The following ANO10 variants were observed in gnomAD, a reference collection of about 807,000 sequenced individuals.
ANO10 encodes anoctamin 10, also known as anoctamin-10.
In ANO10, 77 loss-of-function variants were observed where a neutral mutation model predicts 74.7. The observed-to-expected ratio is 1.03, with a 90% CI of 0.86 to 1.25. The LOEUF (loss-of-function observed/expected upper bound fraction) is 1.25, where lower values mean the gene tolerates loss of function less well. Ranked by LOEUF, ANO10 falls within the 50% of genes most tolerant of loss-of-function variation. The pLI is 0.00. For synonymous variants in ANO10, 279 were observed against 284.9 expected (o/e 0.98, Z 0.21); for missense variants, 721 against 778.1 (o/e 0.93, Z 0.87).
intron 11 of ANO10, 92 bp downstream of exon 11, chr3:43,549,628 T>C (rs1488807829): frequency 4.9e-6 from 7 of 1,422,484 alleles, no homozygotes; most frequent in East Asian, 2.3e-5. Flanking sequence ...TATTGCTCAA[T>C]TGTCAGTCAT....
intron 12 of ANO10, among the ~76,000 whole-genome samples, chr3:43,410,111 T>A (rs937122541): frequency 6.6e-6 from 1 of 151,974 alleles, no homozygotes; most frequent in Admixed American, 6.6e-5. Flanking sequence ...AGATTACCTT[T>A]TTCTTCCCTT....
At chr3:43,584,800 G>A (rs1236867770) in intron 4 of ANO10, among the ~76,000 whole-genome samples, 1 of 152,132 alleles carries the variant, frequency 6.6e-6, no homozygotes, top group East Asian at 1.9e-4. Context: ...ATTACAGCAA[G>A]CAGCAAGCAA....
chr3:43,535,750 G>A (rs2078684940), intron 11 of ANO10, among the ~76,000 whole-genome samples: 1 of 152,096 alleles, frequency 6.6e-6, no homozygotes, highest in Non-Finnish European at 1.5e-5. Context: ...AGACAACCAG[G>A]AGAAAAATCC....
intron 12 of ANO10, among the ~76,000 whole-genome samples, chr3:43,424,018 A>G (rs2092860436): frequency 6.6e-6 from 1 of 150,718 alleles, no homozygotes; most frequent in African/African-American, 2.5e-5. Context: ...CAGCGAATGC[A>G]TGAGTTGGTC....
rs1476071450 is a variant in ANO10 at position 43,561,371 on chromosome 3, A to G, written c.1325T>C (p.Ile442Thr). Residue 442 changes from isoleucine (I) to threonine (T), a missense_variant, in exon 9 of 13, where the codon ATC (isoleucine) becomes ACC (threonine). Ile to Thr is a moderately conservative substitution (Grantham distance 89). Transcript: ENST00000292246. ...AAAAGATTCCATAATTTGGTTGAGG[A>G]TCTGGGAGGTAATTAGGAGAGTGGC... Reference protein sequence around the residue: ...SLATLLITSQILNQIMESFLP... With the variant: ...SLATLLITSQTLNQIMESFLP... 6.2e-7 allele frequency: 1 copy of G among 1,614,180 alleles called. No individual in the cohort carries two copies. The highest frequency in any genetic ancestry group is 8.5e-7 in the Non-Finnish European group (1 of 1,180,024).
intron 2 of ANO10, 127 bp from the exon 3 acceptor site, chr3:43,600,708 C>A: frequency 1.2e-6 from 1 of 817,182 alleles, no homozygotes; most frequent in Non-Finnish European, 1.9e-6. Context: ...AATTTAAATC[C>A]ATCTTCCAAG....
At chr3:43,572,705 G>T (rs2080796502) in intron 7 of ANO10, among the ~76,000 whole-genome samples, 2 of 152,172 alleles carry the variant, frequency 1.3e-5, no homozygotes, top group African/African-American at 4.8e-5. Flanking sequence ...TGCACCAATG[G>T]GTTTCCTTTC....
At chr3:43,673,418 C>T (rs952708457) in intron 1 of ANO10, among the ~76,000 whole-genome samples, 1 of 152,110 alleles carries the variant, frequency 6.6e-6, no homozygotes, top group South Asian at 2.1e-4. Context: ...TGGGTATGAA[C>T]TTTTTTTCTG....
chr3:43,519,922 TA>T (rs987895061), intron 11 of ANO10, among the ~76,000 whole-genome samples: 1 of 152,170 alleles, frequency 6.6e-6, no homozygotes, highest in African/African-American at 2.4e-5. Flanking sequence ...GGAGAGCTAA[TA>T]CAGGACAGAA....
intron 12 of ANO10, among the ~76,000 whole-genome samples, chr3:43,416,392 C>T (rs571184871): frequency 6.6e-6 from 1 of 152,142 alleles, no homozygotes; most frequent in African/African-American, 2.4e-5. Flanking sequence ...CAGATAGTAA[C>T]TGCCTTGTAG....
At chr3:43,372,618 TC>T (rs2091654379) in intron 12 of ANO10, 4 of 493,050 alleles carry the variant, frequency 8.1e-6, no homozygotes, top group Non-Finnish European at 1.5e-5. Context: ...TATTTCCTCC[TC>T]CCCCGTCACC....
intron 12 of ANO10, among the ~76,000 whole-genome samples, chr3:43,390,117 C>T (rs751264081): frequency 3.1e-4 from 47 of 152,208 alleles, no homozygotes; most frequent in Non-Finnish European, 1.0e-4. Context: ...GGGTCTCACA[C>T]GAACCCCACC....
intron 12 of ANO10, among the ~76,000 whole-genome samples, chr3:43,384,064 G>A (rs1453402274): frequency 1.3e-5 from 2 of 151,998 alleles, no homozygotes; most frequent in African/African-American, 4.8e-5. Context: ...ACATGAATTC[G>A]GCAAAGTTTC....
intron 1 of ANO10, among the ~76,000 whole-genome samples, chr3:43,611,818 TATG>T (rs1346220018): frequency 6.6e-6 from 1 of 152,074 alleles, no homozygotes; most frequent in African/African-American, 2.4e-5. Context: ...CAAGAACAAA[TATG>T]ATAAGGCTGA....
At chr3:43,496,688 A>G (rs1376532164) in intron 11 of ANO10, among the ~76,000 whole-genome samples, 1 of 151,614 alleles carries the variant, frequency 6.6e-6, no homozygotes, top group Non-Finnish European at 1.5e-5. Flanking sequence ...TCTATTCTTT[A>G]TTTACTTTTT....
intron 11 of ANO10, among the ~76,000 whole-genome samples, chr3:43,469,841 CTCTT>C (rs1224700375): frequency 6.6e-6 from 1 of 152,154 alleles, no homozygotes; most frequent in Non-Finnish European, 1.5e-5. Context: ...TATAATCCAG[CTCTT>C]TCTTAGATAG....
intron 12 of ANO10, among the ~76,000 whole-genome samples, chr3:43,383,453 CAAAAAAAAAAA>C: frequency 2.0e-5 from 1 of 50,874 alleles, no homozygotes; most frequent in African/African-American, 7.1e-5. Context: ...GACTCTGTCT[CAAAAAAAAAAA>C]AAAAAAAAAA....
At chr3:43,533,158 T>C (rs1474671311) in intron 11 of ANO10, among the ~76,000 whole-genome samples, 2 of 152,128 alleles carry the variant, frequency 1.3e-5, no homozygotes, top group East Asian at 3.8e-4. Context: ...AAGCATGTTG[T>C]CAAGTGAAAC....
intron 11 of ANO10, among the ~76,000 whole-genome samples, chr3:43,524,320 T>C (rs2078095752): frequency 1.3e-5 from 2 of 152,288 alleles, no homozygotes; most frequent in East Asian, 3.8e-4. Flanking sequence ...AAGAAAATTT[T>C]AGGCAACAGT....
Sources: allele counts gnomAD v4.1 joint callset (sites outside exome capture counted in the v4.1 genomes callset), GRCh38; gene constraint gnomAD v4.1.1; transcripts MANE v1.5; gene names NCBI Gene and HGNC (gene_info 2026-07-23, HGNC 2026-07-21).